Variants in SEC31B observed in about 807,000 individuals in gnomAD.
SEC31B encodes protein transport protein Sec31B.
Under a neutral mutation model 135.0 loss-of-function variants are expected in SEC31B, and 113 were observed. The observed-to-expected ratio is 0.84, with a 90% CI of 0.72 to 0.98. The LOEUF is 0.98. Ranked by LOEUF, SEC31B falls within the 50% of genes least tolerant of loss-of-function variation. SEC31B has a pLI of 0.00. For missense variants in SEC31B, 1,296 were observed against 1,421.1 expected (o/e 0.91, Z 1.42); for synonymous variants, 508 against 549.4 (o/e 0.92, Z 1.05).
At position 100,516,971 on chromosome 10, in the gene SEC31B, C is replaced by A; in HGVS notation, c.-19G>T. The A allele has an allele frequency of 6.2e-7, 1 of 1,604,746 alleles. No individual in the cohort carries two copies. Among genetic ancestry groups the A allele is most frequent in the Non-Finnish European group, 8.5e-7 (1 of 1,171,718 alleles). ...GCTTCATGGTCTATCCTGTAGGTGG[C>A]AGAAAACTGACATGGCCCTCAGCCC... On this transcript the variant is annotated 5_prime_UTR_variant, in exon 2 of 26. Transcript: ENST00000370345.
At chr10:100,515,852 C>T (rs1851827452) in intron 3 of SEC31B, among the ~76,000 whole-genome samples, 1 of 151,736 alleles carries the variant, frequency 6.6e-6, no homozygotes, top group African/African-American at 2.4e-5. Context: ...TGGGTCCAGG[C>T]TTGTCTGAGG....
At chr10:100,501,496 T>A (rs905307338) in intron 11 of SEC31B, among the ~76,000 whole-genome samples, 1 of 152,244 alleles carries the variant, frequency 6.6e-6, no homozygotes, top group Non-Finnish European at 1.5e-5. Context: ...TTTCTCTAAC[T>A]TCCTGATGTC....
At position 100,490,282 on chromosome 10, in the gene SEC31B, T is replaced by G. The variant is rs1318886852; in HGVS notation, c.2691A>C (p.Gln897His). ...CAGGGAATCCCACCGGGTTAGGAAC[T>G]TGCACCCTTTGCCCTCCTAATAGCT... ...QPQLLGGQRV[Q>H]VPNPVGFPGT... The change falls in exon 21 of 26, where the codon CAA becomes CAC. Residue 897 changes from glutamine (Q) to histidine (H), a missense_variant. By Grantham distance (24) the Gln-to-His change is conservative. Transcript: ENST00000370345. The G allele has an allele frequency of 1.9e-6, 3 of 1,613,820 alleles. No individual in the cohort carries two copies. The highest frequency in any genetic ancestry group is 2.5e-6 in the Non-Finnish European group (3 of 1,179,892).
rs546882785 is a variant in SEC31B, at chr10:100,518,867, T to C, written c.-46+915A>G. ...AGATTTCCAAAGCACCTTTAAACAC[T>C]TGTGGCTACTATCACGTATTCTGTG... On this transcript the variant is annotated intron_variant, in intron 1 of 25. Transcript: ENST00000370345. 4.5e-4 allele frequency among the ~76,000 whole-genome samples: 69 copies of C among 152,362 alleles called. 1 individual carries two copies. Among genetic ancestry groups the C allele is most frequent in the South Asian group, 8.3e-4 (4 of 4,832 alleles).
Position 100,516,187 on chromosome 10 carries a change from T to C in SEC31B, c.112A>G (p.Ser38Gly). ...AATATTTCCAATGTGCCATTTGTGC[T>C]GAAGGAGGAATCTAGCTGTTGGGCA... ...TSAQQLDSSF[S>G]TNGTLEIFEV... Residue 38 changes from serine to glycine, a missense_variant, in exon 3 of 26, where the codon AGC (serine) becomes GGC (glycine). Coordinates refer to ENST00000370345, the MANE Select transcript of SEC31B (RefSeq NM_015490.4). 6.2e-7 allele frequency: 1 copy of C among 1,613,952 alleles called. No individual in the cohort carries two copies. The highest frequency in any genetic ancestry group is 8.5e-7 in the Non-Finnish European group (1 of 1,179,976).
rs373635777 is a variant in SEC31B, at chr10:100,497,820, C to A, written c.1864-27G>T. The A allele has an allele frequency of 2.5e-6, 4 of 1,614,026 alleles. No individual in the cohort carries two copies. The African/African-American group carries it at 5.3e-5, about 22-fold the overall frequency. ...TGTAATGGGCAGAGAGGGAAAGAGA[C>A]CATCAGCCATCCATCCAGCATAGGC... On this transcript the variant is annotated intron_variant, in intron 15 of 25. Transcript: ENST00000370345.
chr10:100,502,292 A>G lies in SEC31B; in HGVS notation c.1372T>C (p.Leu458=), dbSNP rs1395551200. ...CACAGCATCTTTTCACTTTGCAGTA[A>G]AGCTTGCTGGCTCTTGTTCTGACAG... The part of the protein sequence containing the change: ...NYCQNKSQQA[L]LQSEKMLWQF... Residue 458 remains leucine (L), a synonymous_variant, in exon 11 of 26, where the codon TTA becomes CTA. Coordinates refer to ENST00000370345, the MANE Select transcript of SEC31B (RefSeq NM_015490.4). The G allele has an allele frequency of 2.5e-6, 4 of 1,614,130 alleles. No individual in the cohort carries two copies. Among genetic ancestry groups the G allele is most frequent in the Non-Finnish European group, 3.4e-6 (4 of 1,180,014 alleles).
intron 22 of SEC31B, 31 bp downstream of exon 22, chr10:100,489,672 C>G (rs141219301): frequency 1.9e-6 from 3 of 1,613,762 alleles, no homozygotes; most frequent in Non-Finnish European, 8.5e-7. Flanking sequence ...GGTGAATGTG[C>G]GAGGGAGTGG....
chr10:100,497,056 T>C, intron 17 of SEC31B, 79 bp downstream of exon 17: 2 of 1,549,796 alleles, frequency 1.3e-6, no homozygotes, highest in African/African-American at 1.4e-5. Flanking sequence ...GATTCGCCTC[T>C]GCTAGCTCTG....
chr10:100,509,310 T>G lies in SEC31B; in HGVS notation c.399+6A>C. On this transcript the variant is annotated splice_donor_region_variant and intron_variant, in intron 4 of 25. Transcript: ENST00000370345. Reference sequence around the variant, plus strand: ...TGGCCATGTTTGACTAACTGAAATGTAGTACCTGGAAAGGATTCAAGTCGA... The same window carrying G: ...TGGCCATGTTTGACTAACTGAAATGGAGTACCTGGAAAGGATTCAAGTCGA... 3 of 1,612,276 alleles carry G rather than the reference T, an allele frequency of 1.9e-6. No homozygotes were observed. Among genetic ancestry groups the G allele is most frequent in the Non-Finnish European group, 2.5e-6 (3 of 1,179,206 alleles).
intron 7 of SEC31B, among the ~76,000 whole-genome samples, chr10:100,506,844 A>G (rs1223104165): frequency 6.6e-6 from 1 of 152,202 alleles, no homozygotes; most frequent in East Asian, 1.9e-4. Context: ...TCATGCTTGT[A>G]ATCCCAACAC....
chr10:100,492,327 C>A (rs539001432), intron 19 of SEC31B, among the ~76,000 whole-genome samples: 28 of 152,298 alleles, frequency 1.8e-4, no homozygotes, highest in Non-Finnish European at 3.1e-4. Context: ...CGGGTTCAAG[C>A]GACTCTCCAG....
chr10:100,510,826 G>C (rs1178502552), intron 3 of SEC31B, among the ~76,000 whole-genome samples: 1 of 152,228 alleles, frequency 6.6e-6, no homozygotes, highest in Non-Finnish European at 1.5e-5. Context: ...TGCCAGAAAG[G>C]CTGTTTTCTA....
Position 100,509,491 on chromosome 10 carries a change from C to T in SEC31B, c.224G>A (p.Gly75Glu). 1 of 1,612,798 alleles carries T rather than the reference C, an allele frequency of 6.2e-7. No individual in the cohort carries two copies. Among genetic ancestry groups the T allele is most frequent in the Non-Finnish European group, 8.5e-7 (1 of 1,179,280 alleles). Residue 75 changes from glycine to glutamate, a missense_variant, in exon 4 of 26, where the codon GGG (glycine) becomes GAG (glutamate). Gly to Glu is a moderately conservative substitution (Grantham distance 98). Coordinates refer to ENST00000370345, the MANE Select transcript of SEC31B (RefSeq NM_015490.4). ...TTCCAGAAGCCCACTGCCAAAGCTCCCCCAGACCAGCTTGTGAAACCTATA... is the reference window on the plus strand; with the variant it reads ...TTCCAGAAGCCCACTGCCAAAGCTCTCCCAGACCAGCTTGTGAAACCTATA... ...ALSRFHKLVW[G>E]SFGSGLLESS...
Position 100,516,125 on chromosome 10 carries a change from T to C in SEC31B, c.174A>G (p.Lys58=). The C allele has an allele frequency of 6.2e-7, 1 of 1,614,122 alleles. No individual in the cohort carries two copies. The highest frequency in any genetic ancestry group is 1.3e-5 in the African/African-American group (1 of 75,016). ...VDFRDPSLDL[K]HRGVLSALSR... Reference sequence around the variant, plus strand: ...TCAAGGCAGAAAGGACTCCTCTGTGTTTCAAGTCCAGAGAAGGGTCCCTGA... The same window carrying C: ...TCAAGGCAGAAAGGACTCCTCTGTGCTTCAAGTCCAGAGAAGGGTCCCTGA... The change falls in exon 3 of 26, where the codon AAA becomes AAG. Residue 58 remains lysine, a synonymous_variant. Coordinates refer to ENST00000370345, the MANE Select transcript of SEC31B (RefSeq NM_015490.4).
intron 10 of SEC31B, among the ~76,000 whole-genome samples, chr10:100,503,502 C>T (rs956994972): frequency 8.6e-5 from 13 of 150,676 alleles, no homozygotes; most frequent in African/African-American, 1.2e-4. Context: ...GGCGCAATCT[C>T]GGCTCACCGT....
At chr10:100,489,042 C>T (rs1485154208) in intron 23 of SEC31B, 68 bp from the exon 24 acceptor site, 2 of 1,542,028 alleles carry the variant, frequency 1.3e-6, no homozygotes, top group Admixed American at 2.1e-5. Flanking sequence ...TCCCTAAGGA[C>T]TAGTCCCCAG....
At chr10:100,509,266 G>T (rs1348536367) in intron 4 of SEC31B, 50 bp downstream of exon 4, 1 of 1,572,028 alleles carries the variant, frequency 6.4e-7, no homozygotes, top group Admixed American at 1.7e-5. Context: ...CTTCCACTCA[G>T]ATCTGTTGCT....
At chr10:100,497,910 G>T in intron 15 of SEC31B, 117 bp from the exon 16 acceptor site, 1 of 1,581,228 alleles carries the variant, frequency 6.3e-7, no homozygotes, top group South Asian at 1.1e-5. Flanking sequence ...AGGTGGGGGT[G>T]GTTAGAGTAG....
Sources: gnomAD v4.1 joint callset for allele counts (sites outside exome capture counted in the v4.1 genomes callset) on GRCh38, gnomAD v4.1.1 for gene constraint, MANE v1.5 for transcripts, NCBI Gene and HGNC (gene_info 2026-07-23, HGNC 2026-07-21) for gene names.